The following NBEAL2 variants were observed in gnomAD, a reference collection of about 807,000 sequenced individuals.
NBEAL2 encodes neurobeachin-like protein 2.
In NBEAL2, 160 loss-of-function variants were observed where a neutral mutation model predicts 299.8. That is an observed-to-expected ratio of 0.53 (90% CI 0.47 to 0.61). The LOEUF (loss-of-function observed/expected upper bound fraction) is 0.61. NBEAL2 is among the 20% of genes least tolerant of loss of function. The probability of loss-of-function intolerance (pLI) is 0.00; values close to 1 mark genes in which losing one functional copy is unlikely to be tolerated. For synonymous variants in NBEAL2, 1,493 were observed against 1,542.3 expected (o/e 0.97, Z 0.75); for missense variants, 3,112 against 3,649.0 (o/e 0.85, Z 3.79).
chr3:46,999,659 G>C lies in NBEAL2; in HGVS notation c.3733G>C (p.Val1245Leu). The C allele has an allele frequency of 6.2e-7, 1 of 1,613,348 alleles. No individual in the cohort carries two copies. Among genetic ancestry groups the C allele is most frequent in the Non-Finnish European group, 8.5e-7 (1 of 1,179,548 alleles). The change falls in exon 26 of 54, where the codon GTG (valine) becomes CTG (leucine). Residue 1245 changes from valine (V) to leucine (L), a missense_variant. Around this residue, in one of 3 missense-constraint regions of NBEAL2, gnomAD observed 2,243 missense variants for 2,538.1 expected, o/e 0.88. Transcript: ENST00000450053. The part of the protein sequence containing the change: ...DCLNLSDLLA[V>L]VQLSLQADLS... ...CCTGAACCTCTCAGATCTGCTGGCT[G>C]TGGTACAGCTGTCCCTCCAGGCTGA...
chr3:46,992,026 G>A (rs1008777201), intron 9 of NBEAL2, 80 bp downstream of exon 9: 5 of 1,235,510 alleles, frequency 4.0e-6, no homozygotes, highest in Non-Finnish European at 5.8e-6. Context: ...GGCTGCTGCT[G>A]AGCAAACATG....
rs772969301 is a variant in NBEAL2 at position 46,991,292 on chromosome 3, C to T, written c.630C>T (p.Leu210=). ...LRLIHLFCAV[L]AGGKENGQMA... is the part of the protein sequence containing the mutation. ...TCATCCACCTCTTCTGCGCCGTCCT[C>T]GCTGGAGGAAAGGTAGGCTGGGAGG... Residue 210 remains leucine (L), a synonymous_variant, in exon 7 of 54, where the codon CTC becomes CTT. Transcript: ENST00000450053. This position sits in a 1 kb window ranked among gnomAD's most constrained non-coding sequence, Gnocchi z 6.2. The T allele has an allele frequency of 8.1e-6, 13 of 1,603,096 alleles. No homozygotes were observed. Among genetic ancestry groups the T allele is most frequent in the African/African-American group, 2.7e-5 (2 of 74,592 alleles).
chr3:47,000,481 C>G lies in NBEAL2; in HGVS notation c.4305+77C>G. 1 of 1,512,904 alleles carries G rather than the reference C, an allele frequency of 6.6e-7. No homozygotes were observed. Among genetic ancestry groups the G allele is most frequent in the Non-Finnish European group, 8.9e-7 (1 of 1,127,508 alleles). The allele number at this position is 1,512,904 out of a possible 1,614,324, so 93.7% of individuals were successfully genotyped here. On this transcript the variant is annotated intron_variant, in intron 27 of 53. Coordinates refer to ENST00000450053, the MANE Select transcript of NBEAL2 (RefSeq NM_015175.3). This position sits in a 1 kb window ranked among gnomAD's most constrained non-coding sequence, Gnocchi z 4.5. ...CTGGTACACAGGGCTGGCAGTGTAG[C>G]CTCTCCAAAGGTGTGGCCCTGTCTG...
chr3:47,001,920 C>T lies in NBEAL2; in HGVS notation c.4783C>T (p.Leu1595=). ...CCACTCATCTCTCTTGCGCCCACAG[C>T]TGCATGCCCAGGCCTACGTGAGATT... ...LGYILLEDPQ[L]HAQAYVRLHM... Residue 1595 remains leucine (L), a splice_region_variant and synonymous_variant, in exon 31 of 54, where the codon CTG becomes TTG. Transcript: ENST00000450053. This position sits in a 1 kb window ranked among gnomAD's most constrained non-coding sequence, Gnocchi z 6.1. 6.2e-7 allele frequency: 1 copy of T among 1,604,122 alleles called. No homozygotes were observed. The highest frequency in any genetic ancestry group is 8.5e-7 in the Non-Finnish European group (1 of 1,173,150).
rs745890949 is a variant in NBEAL2, at chr3:46,989,581, G to T, written c.544G>T (p.Ala182Ser). Reference sequence around the variant, plus strand: ...TGCTGCTTTGCCCCAGGAATTCAGCGCCTTCTTCCAAGGTCAGGCCCCGCC... The same window carrying T: ...TGCTGCTTTGCCCCAGGAATTCAGCTCCTTCTTCCAAGGTCAGGCCCCGCC... ...PPAALPQEFS[A>S]FFQESLQNAD... The change falls in exon 6 of 54, where the codon GCC (alanine) becomes TCC (serine). Residue 182 changes from alanine (A) to serine (S), a missense_variant. Around this residue, in one of 3 missense-constraint regions of NBEAL2, gnomAD observed 2,243 missense variants for 2,538.1 expected, o/e 0.88. Coordinates refer to ENST00000450053, the MANE Select transcript of NBEAL2 (RefSeq NM_015175.3). This position sits in a 1 kb window ranked among gnomAD's most constrained non-coding sequence, Gnocchi z 5.5. 1.3e-6 allele frequency: 2 copies of T among 1,591,988 alleles called. No individual in the cohort carries two copies. Among genetic ancestry groups the T allele is most frequent in the Admixed American group, 3.5e-5 (2 of 57,172 alleles).
rs2036408294 is a variant in NBEAL2, at chr3:46,995,357, C to T, written c.1622C>T (p.Pro541Leu). The change falls in exon 13 of 54, where the codon CCA (proline) becomes CTA (leucine). Residue 541 changes from proline to leucine, a missense_variant. Around this residue, in one of 3 missense-constraint regions of NBEAL2, gnomAD observed 2,243 missense variants for 2,538.1 expected, o/e 0.88. Coordinates refer to ENST00000450053, the MANE Select transcript of NBEAL2 (RefSeq NM_015175.3). Reference sequence around the variant, plus strand: ...CTGCGTCACCTGCTGCGCCCCCGGCCAGGATTGGACTCGGAACCAGGCGGA... The same window carrying T: ...CTGCGTCACCTGCTGCGCCCCCGGCTAGGATTGGACTCGGAACCAGGCGGA... ...MELRHLLRPR[P>L]GLDSEPGGAE... 6.2e-7 allele frequency: 1 copy of T among 1,611,538 alleles called. No individual in the cohort carries two copies. Among genetic ancestry groups the T allele is most frequent in the Admixed American group, 1.7e-5 (1 of 59,750 alleles).
chr3:47,008,058 G>C lies in NBEAL2; in HGVS notation c.7603-12G>C. 6.2e-7 allele frequency: 1 copy of C among 1,613,422 alleles called. No individual in the cohort carries two copies. Among genetic ancestry groups the C allele is most frequent in the Non-Finnish European group, 8.5e-7 (1 of 1,179,504 alleles). On this transcript the variant is annotated splice_polypyrimidine_tract_variant and intron_variant, in intron 49 of 53. Transcript: ENST00000450053. ...CAGGGGACAGTCCTAAGCCAACCCTGGTCCTCCACAGGGTGGTCTGTCAGT... is the reference window on the plus strand; with the variant it reads ...CAGGGGACAGTCCTAAGCCAACCCTCGTCCTCCACAGGGTGGTCTGTCAGT...
In NBEAL2 at chr3:46,991,269, A is replaced by T. The variant is rs1392494175; in HGVS notation, c.607A>T (p.Ile203Phe). 1 of 1,607,858 alleles carries T rather than the reference A, an allele frequency of 6.2e-7. No homozygotes were observed. Among genetic ancestry groups the T allele is most frequent in the South Asian group, 1.1e-5 (1 of 89,690 alleles). The change falls in exon 7 of 54, where the codon ATC (isoleucine) becomes TTC (phenylalanine). Residue 203 changes from isoleucine to phenylalanine, a missense_variant. This residue lies in a region of NBEAL2 where 2,243 missense variants were observed against 2,538.1 expected (regional missense o/e 0.88). Coordinates refer to ENST00000450053, the MANE Select transcript of NBEAL2 (RefSeq NM_015175.3). The surrounding 1 kb of genome is among the most constrained non-coding windows in gnomAD (Gnocchi z 6.2). ...GCCTCCCATACTGCTGTTACGTCTC[A>T]TCCACCTCTTCTGCGCCGTCCTCGC... ...HLPPILLLRLIHLFCAVLAGG... is the reference protein window; with the variant it reads ...HLPPILLLRLFHLFCAVLAGG...
chr3:46,999,905 A>G lies in NBEAL2; in HGVS notation c.3806A>G (p.Tyr1269Cys). 1 of 1,606,138 alleles carries G rather than the reference A, an allele frequency of 6.2e-7. No homozygotes were observed. The highest frequency in any genetic ancestry group is 8.5e-7 in the Non-Finnish European group (1 of 1,174,518). ...CGCCTGCAGCTTTTCCACCTCATCT[A>G]CGGACAGCCAGATGTAGTGCGGCTT... ...DICRQLFHLI[Y>C]GQPDVVRLLA... The change falls in exon 27 of 54, where the codon TAC (tyrosine) becomes TGC (cysteine). Residue 1269 changes from tyrosine to cysteine, a missense_variant. Physicochemically the swap from Tyr to Cys is radical, Grantham distance 194. Transcript: ENST00000450053.
In NBEAL2 at chr3:47,001,925, T is replaced by C. The variant is rs377663022; in HGVS notation, c.4788T>C (p.His1596=). ...GYILLEDPQL[H]AQAYVRLHML... The stretch of plus-strand genomic sequence containing the variant: ...CATCTCTCTTGCGCCCACAGCTGCA[T>C]GCCCAGGCCTACGTGAGATTGCACA... Residue 1596 remains histidine (H), a synonymous_variant, in exon 31 of 54, where the codon CAT becomes CAC. Coordinates refer to ENST00000450053, the MANE Select transcript of NBEAL2 (RefSeq NM_015175.3). This position sits in a 1 kb window ranked among gnomAD's most constrained non-coding sequence, Gnocchi z 6.1. 33 of 1,603,768 alleles carry C rather than the reference T, an allele frequency of 2.1e-5. No homozygotes were observed. The highest frequency in any genetic ancestry group is 1.0e-4 in the Admixed American group (6 of 59,754).
Position 46,998,793 on chromosome 3 carries a change from T to A in NBEAL2, c.3298T>A (p.Phe1100Ile). 6.4e-7 allele frequency: 1 copy of A among 1,566,640 alleles called. No homozygotes were observed. Among genetic ancestry groups the A allele is most frequent in the Non-Finnish European group, 8.7e-7 (1 of 1,155,812 alleles). Residue 1100 changes from phenylalanine to isoleucine, a missense_variant, in exon 23 of 54, where the codon TTC (phenylalanine) becomes ATC (isoleucine). Phe to Ile is a conservative substitution (Grantham distance 21). Transcript: ENST00000450053. ...QTSLLGLARE[F>I]LVRSLSADDV... Reference sequence around the variant, plus strand: ...CTCCCTCCTGGGCCTGGCGAGGGAGTTCCTGGTGCGGAGTCTCTCAGCAGA... The same window carrying A: ...CTCCCTCCTGGGCCTGGCGAGGGAGATCCTGGTGCGGAGTCTCTCAGCAGA...
rs759866618 is a variant in NBEAL2 at position 46,999,002 on chromosome 3, C to T, written c.3428C>T (p.Ser1143Phe). Residue 1143 changes from serine (S) to phenylalanine (F), a missense_variant, in exon 24 of 54, where the codon TCC becomes TTC. Transcript: ENST00000450053. ...CTGCTGCTGGCCCTGCTGCACGGTT[C>T]CCTGGTGCAGGAGTCCTTGGCTGTC... ...LDLLLALLHG[S>F]LVQESLAVFL... 3 of 1,606,376 alleles carry T rather than the reference C, an allele frequency of 1.9e-6. No individual in the cohort carries two copies. The Admixed American group carries it at 5.1e-5, about 27-fold the overall frequency.
chr3:47,001,453 A>G lies in NBEAL2; in HGVS notation c.4644+15A>G. The G allele has an allele frequency of 6.2e-7, 1 of 1,608,528 alleles. No individual in the cohort carries two copies. Among genetic ancestry groups the G allele is most frequent in the Non-Finnish European group, 8.5e-7 (1 of 1,178,426 alleles). On this transcript the variant is annotated intron_variant, in intron 29 of 53. Coordinates refer to ENST00000450053, the MANE Select transcript of NBEAL2 (RefSeq NM_015175.3). The surrounding 1 kb of genome is among the most constrained non-coding windows in gnomAD (Gnocchi z 6.1). ...GGAGTGAGAAGGTGCGACCCCTCAG[A>G]GAGGCGTGAGCCACATGAACACTCA... is the stretch of plus-strand genomic sequence containing the variant.
intron 18 of NBEAL2, 57 bp from the exon 19 acceptor site, chr3:46,997,202 G>T: frequency 6.2e-7 from 1 of 1,602,898 alleles, no homozygotes. Flanking sequence ...TGCTGGGGTG[G>T]AGTAGGGCAG....
Position 47,004,297 on chromosome 3 carries a change from G to A in NBEAL2, c.6102G>A (p.Gln2034=), listed in dbSNP as rs376612384. Residue 2034 remains glutamine, a synonymous_variant, in exon 37 of 54, where the codon CAG becomes CAA. Transcript: ENST00000450053. The surrounding 1 kb of genome is among the most constrained non-coding windows in gnomAD (Gnocchi z 5.0). ...PIPPHTQVRN[Q]VYSWLLRLRP... ...CACCCCATACCCAGGTACGGAACCA[G>A]GTGTACTCGTGGCTCCTGCGCCTAC... 1.2e-6 allele frequency: 2 copies of A among 1,613,182 alleles called. No individual in the cohort carries two copies. Among genetic ancestry groups the A allele is most frequent in the Non-Finnish European group, 1.7e-6 (2 of 1,179,552 alleles).
At chr3:46,992,379 G>A (rs2036163162) in intron 9 of NBEAL2, 96 bp from the exon 10 acceptor site, 2 of 1,191,144 alleles carry the variant, frequency 1.7e-6, no homozygotes, top group Non-Finnish European at 2.4e-6. Flanking sequence ...CAGGGCACCT[G>A]GCAGCTGCCC....
In NBEAL2 at chr3:46,988,433, G is replaced by T. The variant is rs79672319; in HGVS notation, c.52-236G>T. ...GGGAGGCTGAGAGAAGCAGTGGGGTGCCTGGAAAAGTGGTCAGTATGTACC... is the reference window on the plus strand; with the variant it reads ...GGGAGGCTGAGAGAAGCAGTGGGGTTCCTGGAAAAGTGGTCAGTATGTACC... On this transcript the variant is annotated intron_variant, in intron 1 of 53. Coordinates refer to ENST00000450053, the MANE Select transcript of NBEAL2 (RefSeq NM_015175.3). This position sits in a 1 kb window ranked among gnomAD's most constrained non-coding sequence, Gnocchi z 4.4. Among the ~76,000 whole-genome samples the T allele has an allele frequency of 2.6e-5, 4 of 152,224 alleles. No individual in the cohort carries two copies. The highest frequency in any genetic ancestry group is 4.4e-5 in the Non-Finnish European group (3 of 67,978).
chr3:46,992,400 T>C, intron 9 of NBEAL2, 75 bp from the exon 10 acceptor site: 1 of 1,398,492 alleles, frequency 7.2e-7, no homozygotes, highest in Non-Finnish European at 9.9e-7. Context: ...CTGGTCCTGC[T>C]CTAACCCCAC....
chr3:47,003,346 G>T lies in NBEAL2; in HGVS notation c.5720+37G>T. On this transcript the variant is annotated intron_variant, in intron 35 of 53. Transcript: ENST00000450053. The surrounding 1 kb of genome is among the most constrained non-coding windows in gnomAD (Gnocchi z 7.0). ...CCTGGAGAGATTGGACTGGTGTGGTGGGCAAGGGGTCTGCTCCAGTGTGTG... is the reference window on the plus strand; with the variant it reads ...CCTGGAGAGATTGGACTGGTGTGGTTGGCAAGGGGTCTGCTCCAGTGTGTG... 1 of 1,599,274 alleles carries T rather than the reference G, an allele frequency of 6.3e-7. No homozygotes were observed. The highest frequency in any genetic ancestry group is 8.5e-7 in the Non-Finnish European group (1 of 1,172,730).
Sources: allele counts gnomAD v4.1 joint callset (sites outside exome capture counted in the v4.1 genomes callset), GRCh38; gene constraint gnomAD v4.1.1; regional missense constraint gnomAD v4.1.1; non-coding constraint Gnocchi (gnomAD v3.1); transcripts MANE v1.5; gene names NCBI Gene and HGNC (gene_info 2026-07-23, HGNC 2026-07-21).